The following HSD17B4 variants were observed in gnomAD, a reference collection of about 807,000 sequenced individuals.
HSD17B4 encodes the protein hydroxysteroid 17-beta dehydrogenase 4.
HSD17B4 carries 70 observed loss-of-function variants against 101.0 expected under a neutral mutation model. The ratio of observed to expected loss-of-function variants is 0.69; its 90% confidence interval spans 0.57 to 0.85. The LOEUF (loss-of-function observed/expected upper bound fraction) is 0.85, where lower values mean the gene tolerates loss of function less well. HSD17B4 is among the 40% of genes least tolerant of loss of function. The probability of loss-of-function intolerance (pLI) is 0.00; values close to 1 mark genes in which losing one functional copy is unlikely to be tolerated. For missense variants in HSD17B4, 984 were observed against 892.4 expected (o/e 1.10, Z -1.31); for synonymous variants, 347 against 297.1 (o/e 1.17, Z -1.73).
chr5:119,531,924 A>G (rs986522674), intron 22 of HSD17B4, among the ~76,000 whole-genome samples: 3 of 152,198 alleles, frequency 2.0e-5, no homozygotes, highest in Admixed American at 6.6e-5. Context: ...GAAATTATCT[A>G]TTAGAGTGCC....
chr5:119,473,041 G>T (rs988179744), intron 2 of HSD17B4, among the ~76,000 whole-genome samples: 2 of 152,004 alleles, frequency 1.3e-5, no homozygotes, highest in African/African-American at 2.4e-5. Context: ...GGACATTTAG[G>T]TTGTTTCCAC....
At chr5:119,527,805 A>G (rs1475169005) in intron 20 of HSD17B4, among the ~76,000 whole-genome samples, 2 of 152,156 alleles carry the variant, frequency 1.3e-5, no homozygotes, top group Non-Finnish European at 2.9e-5. Context: ...CAGAAATCAT[A>G]TGCATCTTGA....
intron 16 of HSD17B4, among the ~76,000 whole-genome samples, chr5:119,510,364 T>A (rs1752060185): frequency 6.6e-6 from 1 of 152,228 alleles, no homozygotes; most frequent in Middle Eastern, 3.2e-3. Flanking sequence ...TTCTGGTTAT[T>A]CTTTTGTTCT....
At chr5:119,516,763 A>C (rs912656455) in intron 17 of HSD17B4, among the ~76,000 whole-genome samples, 8 of 152,252 alleles carry the variant, frequency 5.3e-5, no homozygotes, top group Non-Finnish European at 7.3e-5. Context: ...TCTATTGTCA[A>C]GGAAGGGAAG....
intron 22 of HSD17B4, among the ~76,000 whole-genome samples, chr5:119,534,793 C>G (rs1219357304): frequency 6.6e-6 from 1 of 152,062 alleles, no homozygotes. Context: ...CTCAGGGTTA[C>G]TCTCTATTCC....
At chr5:119,489,734 A>C (rs2258658) in intron 9 of HSD17B4, among the ~76,000 whole-genome samples, 151,700 of 152,240 alleles carry the variant, frequency 1, 75,584 homozygotes, top group Middle Eastern at 1. Context: ...ATAGCACTCA[A>C]CCACCAATTT....
At position 119,525,983 on chromosome 5, in the gene HSD17B4, A is replaced by C; in HGVS notation, c.1640A>C (p.Gln547Pro). Residue 547 changes from glutamine to proline, a missense_variant, in exon 19 of 24, where the codon CAG becomes CCG. Gln to Pro is a moderately conservative substitution (Grantham distance 76). Transcript: ENST00000510025. ...FGFSARRVLQ[Q>P]FADNDVSRFK... is the part of the protein sequence containing the mutation. ...TTTTCTGCCAGGCGTGTGTTACAGCAGTTTGCAGATAATGATGTGTCAAGA... is the reference window on the plus strand; with the variant it reads ...TTTTCTGCCAGGCGTGTGTTACAGCCGTTTGCAGATAATGATGTGTCAAGA... 6.2e-7 allele frequency: 1 copy of C among 1,610,512 alleles called. No homozygotes were observed. The highest frequency in any genetic ancestry group is 1.3e-5 in the African/African-American group (1 of 74,934).
intron 17 of HSD17B4, 85 bp from the exon 18 acceptor site, chr5:119,525,131 C>T (rs1753463482): frequency 1.2e-6 from 1 of 868,038 alleles, no homozygotes; most frequent in Non-Finnish European, 2.0e-6. Flanking sequence ...ATGCTTATAC[C>T]AATAACCAGC....
chr5:119,496,743 T>A, intron 12 of HSD17B4, 97 bp downstream of exon 12: 1 of 791,288 alleles, frequency 1.3e-6, no homozygotes, highest in Non-Finnish European at 2.3e-6. Flanking sequence ...CTTTCTCTTT[T>A]CTTTTGGATG....
chr5:119,485,992 G>A (rs1425747814), intron 8 of HSD17B4, among the ~76,000 whole-genome samples: 1 of 152,170 alleles, frequency 6.6e-6, no homozygotes, highest in Non-Finnish European at 1.5e-5. Context: ...GAAGTCATTT[G>A]AAAGCTTGGC....
At chr5:119,496,468 G>A (rs1382517457) in intron 11 of HSD17B4, 75 bp from the exon 12 acceptor site, 4 of 826,366 alleles carry the variant, frequency 4.8e-6, no homozygotes, top group Admixed American at 3.5e-5. Context: ...GAATAATTAT[G>A]TAGCATATTG....
chr5:119,505,732 A>G (rs539861581), intron 14 of HSD17B4, among the ~76,000 whole-genome samples: 2 of 151,506 alleles, frequency 1.3e-5, no homozygotes, highest in Non-Finnish European at 2.9e-5. Context: ...GGATGTCTTA[A>G]CATTTTTTTT....
chr5:119,458,704 A>G lies in HSD17B4; in HGVS notation c.112+2336A>G, dbSNP rs559150837. ...CCAATTTTGTGTTAATATGATTGCT[A>G]TGTTTTATATTCCATAATATAAAGC... On this transcript the variant is annotated intron_variant, in intron 2 of 23. Transcript: ENST00000510025. 5.3e-5 allele frequency among the ~76,000 whole-genome samples: 8 copies of G among 152,278 alleles called. No individual in the cohort carries two copies. The South Asian group carries it at 1.2e-3, about 24-fold the overall frequency.
chr5:119,492,635 A>T (rs1339475279), intron 10 of HSD17B4: 1 of 153,504 alleles, frequency 6.5e-6, no homozygotes, highest in Non-Finnish European at 1.5e-5. Flanking sequence ...CAGAAATTGC[A>T]GCTGATCTAT....
In HSD17B4 at chr5:119,515,120, T is replaced by C. The variant is rs961537026; in HGVS notation, c.1503+74T>C. On this transcript the variant is annotated intron_variant, in intron 17 of 23. Transcript: ENST00000510025. ...TTTTTAATTTATAGCTCTGATACCT[T>C]ATAACATTATGCATCTAATGCATAA... The C allele has an allele frequency of 1.6e-5, 13 of 816,768 alleles. No homozygotes were observed. In the African/African-American group the frequency reaches 1.8e-4, roughly 12 times the overall value. The allele number at this position is 816,768 out of a possible 1,614,324, so 50.6% of individuals were successfully genotyped here.
chr5:119,529,012 C>T (rs1325265634), intron 20 of HSD17B4, among the ~76,000 whole-genome samples: 3 of 152,036 alleles, frequency 2.0e-5, no homozygotes, highest in Non-Finnish European at 2.9e-5. Context: ...AAGTAATTTA[C>T]TGAAGTGCAT....
chr5:119,541,848 A>C, intron 23 of HSD17B4, 57 bp from the exon 24 acceptor site: 1 of 1,037,318 alleles, frequency 9.6e-7, no homozygotes, highest in Admixed American at 1.9e-5. Context: ...AAAAAAAAAA[A>C]GAAATAAACT....
intron 8 of HSD17B4, among the ~76,000 whole-genome samples, chr5:119,479,290 G>T (rs555363251): frequency 6.6e-6 from 1 of 151,838 alleles, no homozygotes; most frequent in South Asian, 2.1e-4. Flanking sequence ...ACACAATGGG[G>T]TAATATTCTT....
In HSD17B4 at chr5:119,456,733, C is replaced by CA. The variant is rs374881743; in HGVS notation, c.112+373dup. ...CTGCACTCCAATCTGGGTGATGGCG[C>CA]AAAAAAAACCCTGTTTCTCACAGAA... On this transcript the variant is annotated intron_variant, in intron 2 of 23. Coordinates refer to ENST00000510025, the MANE Select transcript of HSD17B4 (RefSeq NM_000414.4). 2,138 of 244,426 alleles carry CA rather than the reference C, an allele frequency of 8.7e-3. 24 individuals carry two copies. Among genetic ancestry groups the CA allele is most frequent in the Non-Finnish European group, 0.014 (1,748 of 124,674 alleles). 15.1% of individuals were successfully genotyped at this position (244,426 alleles called of 1,614,324 possible).
Sources: allele counts gnomAD v4.1 joint callset (sites outside exome capture counted in the v4.1 genomes callset), GRCh38; gene constraint gnomAD v4.1.1; transcripts MANE v1.5; gene names NCBI Gene and HGNC (gene_info 2026-07-23, HGNC 2026-07-21).